ADAMTSL2: variants seen among roughly 807,000 people sequenced by gnomAD.
ADAMTSL2 encodes the protein ADAMTS like 2, also known as ADAMTS-like protein 2.
Under a neutral mutation model 117.0 loss-of-function variants are expected in ADAMTSL2, and 55 were observed. That is an observed-to-expected ratio of 0.47 (90% CI 0.38 to 0.59). The LOEUF (loss-of-function observed/expected upper bound fraction) is 0.59, where lower values mean the gene tolerates loss of function less well. ADAMTSL2 is among the 20% of genes least tolerant of loss of function. ADAMTSL2 has a pLI of 0.00. For synonymous variants in ADAMTSL2, 572 were observed against 566.4 expected (o/e 1.01, Z -0.14); for missense variants, 1,182 against 1,354.5 (o/e 0.87, Z 2.00).
At chr9:133,537,622 T>G in intron 3 of ADAMTSL2, 75 bp downstream of exon 3, 21 of 1,283,592 alleles carry the variant, frequency 1.6e-5, no homozygotes, top group Non-Finnish European at 2.1e-5. Context: ...CGGTTGGCTC[T>G]TCAGCCTGGT....
intron 7 of ADAMTSL2, among the ~76,000 whole-genome samples, chr9:133,543,224 C>G (rs1209280754): frequency 6.6e-6 from 1 of 152,148 alleles, no homozygotes; most frequent in East Asian, 1.9e-4. Flanking sequence ...AAGTGTATAA[C>G]TATTTTATCT....
At chr9:133,539,147 T>A (rs541178688) in intron 4 of ADAMTSL2, among the ~76,000 whole-genome samples, 1 of 152,172 alleles carries the variant, frequency 6.6e-6, no homozygotes, top group South Asian at 2.1e-4. Context: ...TGGCCACCGC[T>A]TCTGTGTTGG....
chr9:133,538,443 A>G lies in ADAMTSL2; in HGVS notation c.309+19A>G. On this transcript the variant is annotated intron_variant, in intron 4 of 18. Transcript: ENST00000651351. The stretch of plus-strand genomic sequence containing the variant: ...AGTGCAGGTGAGGCCCGGCCCGGGC[A>G]GGGGCACCATGGCCTGCTCTCCCTG... The G allele has an allele frequency of 1.2e-6, 2 of 1,612,448 alleles. No homozygotes were observed. The highest frequency in any genetic ancestry group is 2.7e-5 in the African/African-American group (2 of 75,058).
At chr9:133,551,945 TCAGC>T (rs1830496034) in intron 9 of ADAMTSL2, among the ~76,000 whole-genome samples, 1 of 150,832 alleles carries the variant, frequency 6.6e-6, no homozygotes, top group African/African-American at 2.4e-5. Flanking sequence ...TTCTCCTGCC[TCAGC>T]CTCCAGAGTA....
intron 9 of ADAMTSL2, among the ~76,000 whole-genome samples, chr9:133,553,383 G>A (rs1451892591): frequency 1.3e-5 from 2 of 152,148 alleles, no homozygotes; most frequent in Non-Finnish European, 2.9e-5. Context: ...ACACGAGGGT[G>A]TCTTTCTCTG....
At chr9:133,556,008 C>T in intron 11 of ADAMTSL2, 78 bp downstream of exon 11, 9 of 1,556,852 alleles carry the variant, frequency 5.8e-6, no homozygotes, top group Non-Finnish European at 7.8e-6. Flanking sequence ...AAAGTGAGGC[C>T]CCACTGGGGG....
At position 133,565,818 on chromosome 9, in the gene ADAMTSL2, G is replaced by A. The variant is rs1032069517; in HGVS notation, c.1748-1118G>A. Among the ~76,000 whole-genome samples the A allele has an allele frequency of 3.0e-4, 46 of 151,220 alleles. No homozygotes were observed. In the East Asian group the frequency reaches 5.0e-3, roughly 16 times the overall value. On this transcript the variant is annotated intron_variant, in intron 12 of 18. Coordinates refer to ENST00000651351, the MANE Select transcript of ADAMTSL2 (RefSeq NM_014694.4). ...TTCCATGATGCCCGTCATCCCGGAAGGCTGGGTCTGTCTCCCGTGGCCACA... is the reference window on the plus strand; with the variant it reads ...TTCCATGATGCCCGTCATCCCGGAAAGCTGGGTCTGTCTCCCGTGGCCACA...
At chr9:133,535,661 A>T (rs1294599672) in intron 1 of ADAMTSL2, among the ~76,000 whole-genome samples, 5 of 152,074 alleles carry the variant, frequency 3.3e-5, no homozygotes, top group Admixed American at 3.3e-4. Context: ...CTAGTGTGCT[A>T]CCTTGCTGTG....
At chr9:133,568,234 A>G (rs1481842265) in intron 13 of ADAMTSL2, 39 bp from the exon 14 acceptor site, 4 of 1,540,524 alleles carry the variant, frequency 2.6e-6, no homozygotes, top group Non-Finnish European at 2.6e-6. Context: ...CCCGGCTGCC[A>G]TGGGGGGGAT....
At position 133,558,029 on chromosome 9, in the gene ADAMTSL2, C is replaced by G. The variant is rs1830643565; in HGVS notation, c.1649+2099C>G. Among the ~76,000 whole-genome samples the G allele has an allele frequency of 3.3e-5, 5 of 152,276 alleles. No homozygotes were observed. In the South Asian group the frequency reaches 1.0e-3, roughly 32 times the overall value. Reference sequence around the variant, plus strand: ...AGTGATCCTTAGGCCAGGGTCATGGCACAAGCTTACGGATCCTCAAGCCGC... The same window carrying G: ...AGTGATCCTTAGGCCAGGGTCATGGGACAAGCTTACGGATCCTCAAGCCGC... On this transcript the variant is annotated intron_variant, in intron 11 of 18. Transcript: ENST00000651351. The surrounding 1 kb of genome is among the most constrained non-coding windows in gnomAD (Gnocchi z 4.3).
intron 12 of ADAMTSL2, among the ~76,000 whole-genome samples, chr9:133,561,768 C>T (rs1434778971): frequency 6.6e-6 from 1 of 152,124 alleles, no homozygotes; most frequent in Admixed American, 6.5e-5. Flanking sequence ...AAAGACCCTC[C>T]TCGGTGGTGC....
intron 5 of ADAMTSL2, 146 bp downstream of exon 5, chr9:133,540,019 C>G (rs1358996079): frequency 6.5e-6 from 5 of 767,422 alleles, no homozygotes; most frequent in Admixed American, 6.1e-5. Context: ...ACCTGGGTCT[C>G]CTGAGCCCTG....
At position 133,539,762 on chromosome 9, in the gene ADAMTSL2, G is replaced by A. The variant is rs147342065; in HGVS notation, c.310-9G>A. 0.019 allele frequency: 26,788 copies of A among 1,405,034 alleles called. 293 individuals are homozygous for A. Among genetic ancestry groups the A allele is most frequent in the Non-Finnish European group, 0.021 (22,552 of 1,073,972 alleles). 87.0% of individuals were successfully genotyped at this position (1,405,034 alleles called of 1,614,324 possible). A position where few individuals can be genotyped will look rare whatever the true frequency, so the allele number is the denominator to read the frequency against. On this transcript the variant is annotated splice_polypyrimidine_tract_variant and intron_variant, in intron 4 of 18. Transcript: ENST00000651351. ...CCTCCCGGAGCCTCCCTGTCCCTTCGCTTCCCAGGAGTGTCCGCCGGACGG... is the reference window on the plus strand; with the variant it reads ...CCTCCCGGAGCCTCCCTGTCCCTTCACTTCCCAGGAGTGTCCGCCGGACGG...
chr9:133,565,343 A>C (rs1272964814), intron 12 of ADAMTSL2, among the ~76,000 whole-genome samples: 7 of 152,172 alleles, frequency 4.6e-5, no homozygotes, highest in African/African-American at 1.7e-4. Context: ...GGAGGCACTG[A>C]GCTGGGACTT....
In ADAMTSL2 at chr9:133,554,614, G is replaced by A; in HGVS notation, c.1197G>A (p.Gln399=). 6.5e-7 allele frequency: 1 copy of A among 1,547,168 alleles called. No individual in the cohort carries two copies. Among genetic ancestry groups the A allele is most frequent in the Non-Finnish European group, 8.7e-7 (1 of 1,145,774 alleles). Residue 399 remains glutamine, a synonymous_variant, in exon 10 of 19, where the codon CAG becomes CAA. Transcript: ENST00000651351. The surrounding 1 kb of genome is among the most constrained non-coding windows in gnomAD (Gnocchi z 5.2). ...PGLDMELGPS[Q]GQETNEVCEQ... ...TGGACATGGAGCTGGGCCCCAGCCA[G>A]GGCCAGGAGACCAACGAGGTGTGCG...
intron 13 of ADAMTSL2, 36 bp from the exon 14 acceptor site, chr9:133,568,237 G>T (rs948167149): frequency 6.5e-7 from 1 of 1,542,644 alleles, no homozygotes; most frequent in Non-Finnish European, 8.7e-7. Flanking sequence ...GGCTGCCATG[G>T]GGGGGATCAT....
upstream of ADAMTSL2, chr9:133,534,496 G>T (rs1376192637): frequency 9.3e-6 from 4 of 427,852 alleles, no homozygotes; most frequent in African/African-American, 6.1e-5. Flanking sequence ...CGGGAAGAAG[G>T]CCTCCCTGCT....
chr9:133,573,722 A>G lies in ADAMTSL2; in HGVS notation c.2593-121A>G, dbSNP rs1426959277. 11 of 1,257,880 alleles carry G rather than the reference A, an allele frequency of 8.7e-6. 1 individual carries two copies. The East Asian group carries it at 1.7e-4, about 20-fold the overall frequency. 77.9% of individuals were successfully genotyped at this position (1,257,880 alleles called of 1,614,324 possible). ...TTCCACGGGTCCTGTGTCAGTTGGG[A>G]CTCATGGCCGCCTGGGAAGGGTGGG... On this transcript the variant is annotated intron_variant, in intron 17 of 18. Coordinates refer to ENST00000651351, the MANE Select transcript of ADAMTSL2 (RefSeq NM_014694.4).
chr9:133,544,654 AGGGATGGACCAGTGCTGT>A (rs1486702599), intron 8 of ADAMTSL2, 104 bp downstream of exon 8: 6 of 1,003,380 alleles, frequency 6.0e-6, no homozygotes, highest in African/African-American at 4.8e-5. Flanking sequence ...CCTCCAGGAC[AGGGATGGACCAGTGCTGT>A]GGGCATGGCT....
Sources: gnomAD v4.1 joint callset for allele counts (sites outside exome capture counted in the v4.1 genomes callset) on GRCh38, gnomAD v4.1.1 for gene constraint, Gnocchi (gnomAD v3.1) non-coding constraint, MANE v1.5 for transcripts, NCBI Gene and HGNC (gene_info 2026-07-23, HGNC 2026-07-21) for gene names.